DSCAML1: variants seen among roughly 807,000 people sequenced by gnomAD.
The protein encoded by DSCAML1 is DS cell adhesion molecule like 1.
A neutral mutation model predicts 200.5 loss-of-function variants in DSCAML1; 38 were observed. That is an observed-to-expected ratio of 0.19 (90% CI 0.15 to 0.25). DSCAML1 has a LOEUF of 0.25. DSCAML1 is among the 10% of genes least tolerant of loss of function. The probability of loss-of-function intolerance (pLI) is 1.00; values close to 1 mark genes in which losing one functional copy is unlikely to be tolerated. For missense variants in DSCAML1, 2,223 were observed against 2,858.8 expected (o/e 0.78, Z 5.07); for synonymous variants, 1,215 against 1,165.0 (o/e 1.04, Z -0.87).
At chr11:117,540,243 G>A (rs2050243224) in intron 3 of DSCAML1, among the ~76,000 whole-genome samples, 1 of 152,212 alleles carries the variant, frequency 6.6e-6, no homozygotes, top group Non-Finnish European at 1.5e-5. Context: ...TGGCAGGCGA[G>A]CGAGCATTTC....
chr11:117,616,970 A>G (rs1455405628), intron 3 of DSCAML1, among the ~76,000 whole-genome samples: 1 of 152,218 alleles, frequency 6.6e-6, no homozygotes, highest in African/African-American at 2.4e-5. Flanking sequence ...TGACATTTTC[A>G]TGGAGTTACA....
chr11:117,475,833 T>G (rs1297373194), intron 14 of DSCAML1, among the ~76,000 whole-genome samples: 5 of 152,184 alleles, frequency 3.3e-5, no homozygotes, highest in Non-Finnish European at 4.4e-5. Flanking sequence ...GCAGGTGGAT[T>G]TGACCTTGTG....
chr11:117,696,751 G>A (rs201299487), intron 3 of DSCAML1, among the ~76,000 whole-genome samples: 1 of 152,136 alleles, frequency 6.6e-6, no homozygotes, highest in East Asian at 1.9e-4. Flanking sequence ...CCATTATCTG[G>A]CTTCACATGG....
intron 3 of DSCAML1, among the ~76,000 whole-genome samples, chr11:117,665,939 G>GGC: frequency 6.6e-6 from 1 of 152,318 alleles, no homozygotes; most frequent in South Asian, 2.1e-4. Context: ...CTTTTGCAAA[G>GGC]GCACACACAA....
intron 3 of DSCAML1, among the ~76,000 whole-genome samples, chr11:117,694,075 A>ATATATG (rs1307990419): frequency 7.1e-5 from 5 of 70,342 alleles, no homozygotes; most frequent in African/African-American, 2.2e-4. Context: ...ATATATATAT[A>ATATATG]TATACACATA....
chr11:117,777,317 C>T (rs1465184719), intron 2 of DSCAML1, among the ~76,000 whole-genome samples: 1 of 152,178 alleles, frequency 6.6e-6, no homozygotes, highest in Admixed American at 6.5e-5. Flanking sequence ...AGGGGATGTG[C>T]AGGTAATAAG....
intron 3 of DSCAML1, among the ~76,000 whole-genome samples, chr11:117,730,418 C>T (rs914181189): frequency 2.0e-5 from 3 of 152,124 alleles, no homozygotes; most frequent in Admixed American, 6.5e-5. Context: ...ATTTTAGTCC[C>T]GTGAGACTCA....
intron 3 of DSCAML1, among the ~76,000 whole-genome samples, chr11:117,682,600 C>T (rs533139487): frequency 1.1e-4 from 17 of 152,290 alleles, no homozygotes; most frequent in African/African-American, 3.9e-4. Context: ...TCCTGCTACA[C>T]CTGGACATCC....
chr11:117,465,241 T>C, intron 16 of DSCAML1, 59 bp from the exon 17 acceptor site: 10 of 1,589,406 alleles, frequency 6.3e-6, no homozygotes, highest in Non-Finnish European at 8.6e-6. Context: ...GATGATGCTC[T>C]TAAAACCAAA....
intron 1 of DSCAML1, among the ~76,000 whole-genome samples, chr11:117,804,256 A>AG (rs780658954): frequency 1.3e-5 from 2 of 152,216 alleles, no homozygotes; most frequent in Non-Finnish European, 2.9e-5. Flanking sequence ...AGAATCTGAG[A>AG]GGGGGCAGTG....
chr11:117,442,784 AG>A (rs2048095011), intron 21 of DSCAML1, among the ~76,000 whole-genome samples: 1 of 151,982 alleles, frequency 6.6e-6, no homozygotes, highest in African/African-American at 2.4e-5. Context: ...GGTAGGGGTT[AG>A]GGGGTGGTAG....
At chr11:117,640,162 G>T (rs1394570185) in intron 3 of DSCAML1, among the ~76,000 whole-genome samples, 1 of 152,142 alleles carries the variant, frequency 6.6e-6, no homozygotes, top group Non-Finnish European at 1.5e-5. Context: ...TGTGGAAGCA[G>T]CACTCTCCTT....
intron 3 of DSCAML1, among the ~76,000 whole-genome samples, chr11:117,577,427 T>C (rs1294407415): frequency 9.4e-4 from 73 of 77,580 alleles, no homozygotes; most frequent in African/African-American, 4.4e-3. Flanking sequence ...CTCCTTTCCT[T>C]CCTTCCTTCT....
intron 3 of DSCAML1, among the ~76,000 whole-genome samples, chr11:117,751,191 A>G (rs2054599685): frequency 6.6e-6 from 1 of 151,986 alleles, no homozygotes; most frequent in Admixed American, 6.6e-5. Context: ...AATGGGTTTG[A>G]TGGAATAATT....
chr11:117,585,851 C>G (rs2051131104), intron 3 of DSCAML1, among the ~76,000 whole-genome samples: 1 of 152,202 alleles, frequency 6.6e-6, no homozygotes, highest in African/African-American at 2.4e-5. Flanking sequence ...ATTTTCCTGT[C>G]AGAATGAATC....
At position 117,439,303 on chromosome 11, in the gene DSCAML1, A is replaced by G; in HGVS notation, c.4107T>C (p.Gly1369=). ...GGTTGACGATGATGGTGTCAAAGCC[A>G]CCAGTGTTGGTGGCCGTGCACGTGT... The part of the protein sequence containing the change: ...GYYTCTATNT[G]GFDTIIVNLL... Residue 1369 remains glycine, a synonymous_variant, in exon 23 of 33, where the codon GGT becomes GGC. Transcript: ENST00000651296. 6.2e-7 allele frequency: 1 copy of G among 1,614,064 alleles called. No homozygotes were observed. Among genetic ancestry groups the G allele is most frequent in the Non-Finnish European group, 8.5e-7 (1 of 1,179,984 alleles).
chr11:117,615,892 G>A lies in DSCAML1; in HGVS notation c.512-83370C>T, dbSNP rs543707028. On this transcript the variant is annotated intron_variant, in intron 3 of 32. Coordinates refer to ENST00000651296, the MANE Select transcript of DSCAML1 (RefSeq NM_020693.4). ...ATGACTAGGGATGGGAGTAGCACAG[G>A]GAGCCCCAGCAGAACAGGGACATGA... Among the ~76,000 whole-genome samples, 5 of 152,270 alleles carry A rather than the reference G, an allele frequency of 3.3e-5. No homozygotes were observed. The South Asian group carries it at 1.0e-3, about 32-fold the overall frequency.
chr11:117,655,097 A>C (rs2052706955), intron 3 of DSCAML1, among the ~76,000 whole-genome samples: 1 of 152,218 alleles, frequency 6.6e-6, no homozygotes, highest in Non-Finnish European at 1.5e-5. Flanking sequence ...TGAGCCTTGC[A>C]GCCGCCCCTG....
At chr11:117,483,045 A>G (rs1463363735) in intron 11 of DSCAML1, among the ~76,000 whole-genome samples, 2 of 152,244 alleles carry the variant, frequency 1.3e-5, no homozygotes, top group Non-Finnish European at 2.9e-5. Context: ...CAGGCTGGTC[A>G]TCGGAAGCCC....
Sources: gnomAD v4.1 joint callset for allele counts (sites outside exome capture counted in the v4.1 genomes callset) on GRCh38, gnomAD v4.1.1 for gene constraint, MANE v1.5 for transcripts, NCBI Gene and HGNC (gene_info 2026-07-23, HGNC 2026-07-21) for gene names.